The following PSG2 variants were observed in gnomAD, a reference collection of about 807,000 sequenced individuals.
PSG2 encodes the protein pregnancy-specific beta-1-glycoprotein 2.
Under a neutral mutation model 36.2 loss-of-function variants are expected in PSG2, and 49 were observed. The ratio of observed to expected loss-of-function variants is 1.35; its 90% CI spans 1.08 to 1.72. PSG2 has a LOEUF of 1.72. PSG2 is among the 40% of genes most tolerant of loss of function. The pLI is 0.00. For synonymous variants in PSG2, 261 were observed against 155.6 expected (o/e 1.68, Z -5.04); for missense variants, 605 against 407.2 (o/e 1.49, Z -4.18).
At chr19:43,072,323 G>A in intron 3 of PSG2, 1 of 1,610,394 alleles carries the variant, frequency 6.2e-7, no homozygotes, top group Non-Finnish European at 8.5e-7. Flanking sequence ...TAAGCTGGTG[G>A]CCTGGCCCAC....
chr19:43,071,663 T>A (rs1398329399), intron 4 of PSG2, 37 bp downstream of exon 4: 8 of 1,612,512 alleles, frequency 5.0e-6, no homozygotes, highest in Non-Finnish European at 6.8e-6. Flanking sequence ...AGACTCCACC[T>A]AAAACCCTAC....
intron 2 of PSG2, among the ~76,000 whole-genome samples, chr19:43,077,546 A>C (rs1473213359): frequency 6.6e-6 from 1 of 151,698 alleles, no homozygotes; most frequent in Non-Finnish European, 1.5e-5. Context: ...CCAATGGCTC[A>C]TGTGTCTCCC....
chr19:43,070,108 G>A (rs191084032), intron 4 of PSG2, among the ~76,000 whole-genome samples: 2 of 151,586 alleles, frequency 1.3e-5, no homozygotes, highest in Non-Finnish European at 2.9e-5. Flanking sequence ...TGAATACTTA[G>A]AGATGTGCAA....
rs766384711 is a variant in PSG2, at chr19:43,071,927, G to T, written c.737C>A (p.Pro246His). 6.2e-6 allele frequency: 10 copies of T among 1,612,772 alleles called. No individual in the cohort carries two copies. Among genetic ancestry groups the T allele is most frequent in the Non-Finnish European group, 8.5e-6 (10 of 1,179,370 alleles). Residue 246 changes from proline to histidine, a missense_variant, in exon 4 of 6, where the codon CCT (proline) becomes CAT (histidine). By Grantham distance (77) the Pro-to-His change is moderately conservative. Coordinates refer to ENST00000406487, the MANE Select transcript of PSG2 (RefSeq NM_031246.4). ...LHGPDLPRIH[P>H]SYTNYRSGDN... ...TCCTGAACGGTAATTGGTGTATGAA[G>T]GGTGAATTCTGGGGAGGTCTGGACC...
chr19:43,071,056 C>A (rs1402301482), intron 4 of PSG2, among the ~76,000 whole-genome samples: 3 of 151,586 alleles, frequency 2.0e-5, no homozygotes, highest in Non-Finnish European at 4.4e-5. Context: ...CCTGAGGCTC[C>A]TTCTCTTCTC....
intron 3 of PSG2, among the ~76,000 whole-genome samples, chr19:43,074,329 A>T (rs1967861396): frequency 6.6e-6 from 1 of 151,724 alleles, no homozygotes; most frequent in South Asian, 2.1e-4. Flanking sequence ...ATCCATGAAA[A>T]TGAAATGTCT....
chr19:43,064,388 A>G lies in PSG2; in HGVS notation c.*254T>C. 3.2e-6 allele frequency: 1 copy of G among 315,958 alleles called. No individual in the cohort carries two copies. The highest frequency in any genetic ancestry group is 6.2e-6 in the Non-Finnish European group (1 of 161,478). 19.6% of individuals were successfully genotyped at this position (315,958 alleles called of 1,614,324 possible). On this transcript the variant is annotated 3_prime_UTR_variant, in exon 6 of 6. Coordinates refer to ENST00000406487, the MANE Select transcript of PSG2 (RefSeq NM_031246.4). ...AATCTGGAGAATGAAACATTCCAAG[A>G]ATCAGCACATTTTCAAATAGAAAAT...
chr19:43,064,636 T>C (rs1463811896), intron 5 of PSG2, 35 bp from the exon 6 acceptor site: 1 of 596,096 alleles, frequency 1.7e-6, no homozygotes, highest in Non-Finnish European at 3.2e-6. Flanking sequence ...TGTAGGTGAT[T>C]GTAAGTAGTT....
rs1034938854 is a variant in PSG2 at position 43,072,206 on chromosome 19, G to T, written c.710-252C>A. On this transcript the variant is annotated intron_variant, in intron 3 of 5. Coordinates refer to ENST00000406487, the MANE Select transcript of PSG2 (RefSeq NM_031246.4). ...CTTGGTTAAGGCTGTGCCTACCCAG[G>T]TTTTCCCAGGGCAGGGAGTCATGGC... 11 of 1,434,052 alleles carry T rather than the reference G, an allele frequency of 7.7e-6. No homozygotes were observed. In the African/African-American group the frequency reaches 1.4e-4, roughly 19 times the overall value. The allele number at this position is 1,434,052 out of a possible 1,614,324, so 88.8% of individuals were successfully genotyped here.
At chr19:43,076,596 A>G (rs7250302) in intron 2 of PSG2, among the ~76,000 whole-genome samples, 92,670 of 151,226 alleles carry the variant, frequency 0.61, 31,109 homozygotes, top group East Asian at 0.99. Flanking sequence ...TTCTGAGTTT[A>G]ACTACCCTAT....
chr19:43,082,565 C>A lies in PSG2; in HGVS notation c.5G>T (p.Gly2Val). 1 of 1,611,864 alleles carries A rather than the reference C, an allele frequency of 6.2e-7. No individual in the cohort carries two copies. Among genetic ancestry groups the A allele is most frequent in the East Asian group, 2.2e-5 (1 of 44,824 alleles). The change falls in exon 1 of 6, where the codon GGG becomes GTG. Residue 2 changes from glycine (G) to valine (V), a missense_variant. Coordinates refer to ENST00000406487, the MANE Select transcript of PSG2 (RefSeq NM_031246.4). M[G>V]PLSAPPCTEH... ...TGTGCAGGGAGGGGCTGAGAGGGGC[C>A]CCATGGTCTCTGCTGCCTGTGTGTT...
At chr19:43,079,928 T>G (rs185301139) in intron 2 of PSG2, among the ~76,000 whole-genome samples, 1 of 151,846 alleles carries the variant, frequency 6.6e-6, no homozygotes, top group Non-Finnish European at 1.5e-5. Context: ...GGTGTGACTC[T>G]GGTTCAGTGA....
rs1369086040 is a variant in PSG2 at position 43,064,418 on chromosome 19, A to C, written c.*224T>G. The stretch of plus-strand genomic sequence containing the variant: ...GCACATTTTCAAATAGAAAATTATG[A>C]AATCATTATCCTTTTGATTATTTAG... On this transcript the variant is annotated 3_prime_UTR_variant, in exon 6 of 6. Coordinates refer to ENST00000406487, the MANE Select transcript of PSG2 (RefSeq NM_031246.4). 1.2e-5 allele frequency: 4 copies of C among 332,208 alleles called. No homozygotes were observed. Among genetic ancestry groups the C allele is most frequent in the Non-Finnish European group, 1.2e-5 (2 of 171,884 alleles). 20.6% of individuals were successfully genotyped at this position (332,208 alleles called of 1,614,324 possible).
At chr19:43,073,357 T>C (rs191785377) in intron 3 of PSG2, among the ~76,000 whole-genome samples, 1 of 151,890 alleles carries the variant, frequency 6.6e-6, no homozygotes, top group Non-Finnish European at 1.5e-5. Context: ...GCATGTTCCC[T>C]GTCTTGGGTT....
At position 43,071,762 on chromosome 19, in the gene PSG2, C is replaced by A. The variant is rs1436299090; in HGVS notation, c.902G>T (p.Cys301Phe). 6.2e-7 allele frequency: 1 copy of A among 1,612,844 alleles called. No individual in the cohort carries two copies. The highest frequency in any genetic ancestry group is 1.7e-5 in the Admixed American group (1 of 59,962). Residue 301 changes from cysteine to phenylalanine, a missense_variant, in exon 4 of 6, where the codon TGC (cysteine) becomes TTC (phenylalanine). Cys to Phe is a radical substitution (Grantham distance 205). Coordinates refer to ENST00000406487, the MANE Select transcript of PSG2 (RefSeq NM_031246.4). ...GCCAGTGGCTGAGTTACGAACAGAGCAAACATAGAGCCCGCTATGCTTTGT... is the reference window on the plus strand; with the variant it reads ...GCCAGTGGCTGAGTTACGAACAGAGAAAACATAGAGCCCGCTATGCTTTGT... ...ITTKHSGLYV[C>F]SVRNSATGEE...
chr19:43,071,745 C>G lies in PSG2; in HGVS notation c.919G>C (p.Ala307Pro), dbSNP rs1555766319. Residue 307 changes from alanine (A) to proline (P), a missense_variant, in exon 4 of 6, where the codon GCC becomes CCC. Transcript: ENST00000406487. ...GATGTGGAGCTTTCCTCGCCAGTGG[C>G]TGAGTTACGAACAGAGCAAACATAG... ...GLYVCSVRNS[A>P]TGEESSTSLT... 9.3e-6 allele frequency: 15 copies of G among 1,613,022 alleles called. 1 individual carries two copies. The Middle Eastern group carries it at 9.9e-4, about 107-fold the overall frequency.
chr19:43,073,852 T>A (rs1052474970), intron 3 of PSG2, among the ~76,000 whole-genome samples: 3 of 151,884 alleles, frequency 2.0e-5, no homozygotes, highest in Middle Eastern at 3.4e-3. Context: ...GATTCTGAAA[T>A]ATTTGTCATA....
rs182725968 is a variant in PSG2 at position 43,072,216 on chromosome 19, G to A, written c.710-262C>T. On this transcript the variant is annotated intron_variant, in intron 3 of 5. Transcript: ENST00000406487. ...GCTGTGCCTACCCAGGTTTTCCCAG[G>A]GCAGGGAGTCATGGCCAGCTTGGAT... 1.3e-3 allele frequency: 1,852 copies of A among 1,461,730 alleles called. 20 individuals carry two copies. The highest frequency in any genetic ancestry group is 1.6e-3 in the South Asian group (117 of 74,880). The allele number at this position is 1,461,730 out of a possible 1,614,324, so 90.5% of individuals were successfully genotyped here.
At chr19:43,081,323 G>T in intron 1 of PSG2, 77 bp from the exon 2 acceptor site, 1 of 1,524,962 alleles carries the variant, frequency 6.6e-7, no homozygotes, top group East Asian at 2.3e-5. Flanking sequence ...GGGTCCTGAG[G>T]AGGTCTCTTC....
Sources: allele counts gnomAD v4.1 joint callset (sites outside exome capture counted in the v4.1 genomes callset), GRCh38; gene constraint gnomAD v4.1.1; transcripts MANE v1.5; gene names NCBI Gene and HGNC (gene_info 2026-07-23, HGNC 2026-07-21).